Variants in NEBL observed in about 807,000 individuals in gnomAD.
The protein encoded by NEBL is nebulette.
A neutral mutation model predicts 140.2 loss-of-function variants in NEBL; 122 were observed. The ratio of observed to expected loss-of-function variants is 0.87; its 90% CI spans 0.75 to 1.01. NEBL has a LOEUF of 1.01. Ranked by LOEUF, NEBL falls within the 50% of genes least tolerant of loss-of-function variation. NEBL has a pLI of 0.00. For synonymous variants in NEBL, 436 were observed against 398.9 expected, an observed-to-expected ratio of 1.09 and a Z score of -1.11; for missense variants, 1,365 against 1,231.3, an observed-to-expected ratio of 1.11 and a Z score of -1.62.
chr10:20,986,686 T>G (rs759624296), intron 3 of NEBL, among the ~76,000 whole-genome samples: 3 of 152,218 alleles, frequency 2.0e-5, no homozygotes, highest in Admixed American at 1.3e-4. Flanking sequence ...TAAATTATAA[T>G]GAACAAGTCA....
chr10:21,276,867 G>A (rs141885789), intron 1 of NEBL, among the ~76,000 whole-genome samples: 581 of 152,262 alleles, frequency 3.8e-3, no homozygotes, highest in African/African-American at 0.013. Flanking sequence ...TACTTGTGAA[G>A]CTGAGGCATG....
intron 2 of NEBL, 151 bp from the exon 3 acceptor site, chr10:20,890,100 G>T: frequency 3.3e-6 from 2 of 610,290 alleles, no homozygotes; most frequent in East Asian, 2.8e-5. Flanking sequence ...TAAATAAACG[G>T]CTATCCAGCA....
intron 2 of NEBL, among the ~76,000 whole-genome samples, chr10:21,054,232 T>C (rs1004440308): frequency 6.6e-6 from 1 of 152,164 alleles, no homozygotes; most frequent in Non-Finnish European, 1.5e-5. Flanking sequence ...ACCTTTTCTC[T>C]TTTTTTGGTG....
chr10:21,021,199 A>G (rs1838776460), intron 2 of NEBL, among the ~76,000 whole-genome samples: 1 of 152,206 alleles, frequency 6.6e-6, no homozygotes, highest in African/African-American at 2.4e-5. Context: ...TTACTTATAT[A>G]AATGTATATA....
At chr10:20,921,470 A>G (rs1589015080) in intron 4 of NEBL, among the ~76,000 whole-genome samples, 1 of 151,694 alleles carries the variant, frequency 6.6e-6, no homozygotes, top group Non-Finnish European at 1.5e-5. Flanking sequence ...TCTTCCTCAC[A>G]CCCTCCCTTC....
chr10:20,999,448 T>C (rs1321519858), intron 3 of NEBL, among the ~76,000 whole-genome samples: 1 of 151,952 alleles, frequency 6.6e-6, no homozygotes, highest in Non-Finnish European at 1.5e-5. Flanking sequence ...AATTTAAAAA[T>C]ATTAGCCAGG....
At chr10:20,915,476 A>T (rs560253106) in intron 4 of NEBL, among the ~76,000 whole-genome samples, 1 of 149,668 alleles carries the variant, frequency 6.7e-6, no homozygotes, top group African/African-American at 2.5e-5. Context: ...TCATTGTTCA[A>T]TTCCCACCTA....
rs142346030 is a variant in NEBL, at chr10:21,066,783, A to G, written c.165-46582T>C. Among the ~76,000 whole-genome samples the G allele has an allele frequency of 1.7e-3, 257 of 151,202 alleles. 1 individual carries two copies. Among genetic ancestry groups the G allele is most frequent in the African/African-American group, 5.6e-3 (234 of 41,428 alleles). ...ATTAGAATCTTAATTCCCATCTACAAAATCATTGTTCTCTTACATCGATTT... is the reference window on the plus strand; with the variant it reads ...ATTAGAATCTTAATTCCCATCTACAGAATCATTGTTCTCTTACATCGATTT... On this transcript the variant is annotated intron_variant, in intron 2 of 6. Transcript: ENST00000417816.
chr10:21,199,932 GACTGTAC>G (rs112220439), intron 3 of NEBL, among the ~76,000 whole-genome samples: 3,801 of 152,240 alleles, frequency 0.025, 73 homozygotes, highest in Non-Finnish European at 0.027. Flanking sequence ...GCTGGGGAGA[GACTGTAC>G]ACTGTTGGCT....
chr10:21,233,778 CAT>C (rs1842301664), intron 3 of NEBL, among the ~76,000 whole-genome samples: 1 of 136,928 alleles, frequency 7.3e-6, no homozygotes, highest in Admixed American at 7.6e-5. Context: ...CATATAAATG[CAT>C]ATATATGCAT....
chr10:21,242,931 A>AGT (rs1842459731), intron 3 of NEBL, among the ~76,000 whole-genome samples: 1 of 152,298 alleles, frequency 6.6e-6, no homozygotes, highest in Non-Finnish European at 1.5e-5. Flanking sequence ...ATGAGCCCCA[A>AGT]GCACACCCCT....
chr10:21,233,537 T>C lies in NEBL; in HGVS notation n.348+14384A>G, dbSNP rs115106236. 9.2e-3 allele frequency among the ~76,000 whole-genome samples: 1,368 copies of C among 149,490 alleles called. 21 individuals carry two copies. The highest frequency in any genetic ancestry group is 0.032 in the African/African-American group (1,316 of 40,890). ...TATATCATATATATCTCTATAGATATATATGCATATATACATACATATATA... is the reference window on the plus strand; with the variant it reads ...TATATCATATATATCTCTATAGATACATATGCATATATACATACATATATA... On this transcript the variant is annotated intron_variant and non_coding_transcript_variant, in intron 3 of 8. Transcript: ENST00000675702.
rs376614108 is a variant in NEBL, at chr10:21,191,690, C to T, written n.349-19213G>A. 7.9e-5 allele frequency among the ~76,000 whole-genome samples: 12 copies of T among 152,348 alleles called. No individual in the cohort carries two copies. In the East Asian group the frequency reaches 1.7e-3, roughly 22 times the overall value. On this transcript the variant is annotated intron_variant and non_coding_transcript_variant, in intron 3 of 8. Coordinates refer to the NEBL transcript ENST00000675702. ...TTGACCACACGCCCAAAGGCTTTAA[C>T]AATAGGTACATTATAACAATATTGT...
At position 20,877,866 on chromosome 10, in the gene NEBL, T is replaced by C. The variant is rs1845658441; in HGVS notation, c.480+2928A>G. ...CTCTGCCACGAGGCACAAGTCCCAT[T>C]TGGGTGCACCTCTTTCTCACAACAA... On this transcript the variant is annotated intron_variant, in intron 5 of 27. Transcript: ENST00000377122. 3.3e-5 allele frequency among the ~76,000 whole-genome samples: 5 copies of C among 152,158 alleles called. No individual in the cohort carries two copies. In the South Asian group the frequency reaches 1.0e-3, roughly 32 times the overall value.
chr10:21,155,946 C>G (rs906457645), intron 2 of NEBL, among the ~76,000 whole-genome samples: 4 of 152,290 alleles, frequency 2.6e-5, no homozygotes, highest in African/African-American at 9.6e-5. Flanking sequence ...TGGCCCCCAC[C>G]TACTGATTAT....
intron 26 of NEBL, among the ~76,000 whole-genome samples, chr10:20,800,136 AC>A (rs1412646505): frequency 2.4e-5 from 2 of 82,496 alleles, no homozygotes; most frequent in South Asian, 3.6e-4. Context: ...CCATCCCCCC[AC>A]CCCATCGTAA....
At chr10:21,030,613 C>T (rs1238002747) in intron 2 of NEBL, 1 of 586,894 alleles carries the variant, frequency 1.7e-6, no homozygotes, top group Admixed American at 2.1e-5. Context: ...TCCAGCTCAA[C>T]CGTCTGAGAA....
chr10:20,991,260 C>T (rs1837443433), intron 3 of NEBL, among the ~76,000 whole-genome samples: 1 of 150,978 alleles, frequency 6.6e-6, no homozygotes, highest in African/African-American at 2.4e-5. Context: ...AACTGTCAAG[C>T]CCTCAAAAAA....
intron 2 of NEBL, among the ~76,000 whole-genome samples, chr10:21,077,614 A>C (rs979726231): frequency 6.6e-6 from 1 of 152,158 alleles, no homozygotes; most frequent in Non-Finnish European, 1.5e-5. Context: ...CTCAAAAAAA[A>C]TAAAAATAAA....
Sources: gnomAD v4.1 joint callset for allele counts (sites outside exome capture counted in the v4.1 genomes callset) on GRCh38, gnomAD v4.1.1 for gene constraint, MANE v1.5 for transcripts, NCBI Gene and HGNC (gene_info 2026-07-23, HGNC 2026-07-21) for gene names.